KISS1R: variants seen among roughly 807,000 people sequenced by gnomAD.
KISS1R encodes kiSS-1 receptor.
KISS1R carries 19 observed loss-of-function variants against 22.0 expected under a neutral mutation model. The ratio of observed to expected loss-of-function variants is 0.86; its 90% CI spans 0.60 to 1.26. The LOEUF is 1.26. Ranked by LOEUF, KISS1R falls within the 50% of genes most tolerant of loss-of-function variation. The pLI is 0.00. For missense variants in KISS1R, 653 were observed against 581.9 expected (o/e 1.12, Z -1.26); for synonymous variants, 302 against 283.9 (o/e 1.06, Z -0.64).
chr19:919,777 G>C, intron 3 of KISS1R, 97 bp from the exon 4 acceptor site: 1 of 1,490,564 alleles, frequency 6.7e-7, no homozygotes, highest in South Asian at 1.2e-5. Flanking sequence ...CGGGGCGCCC[G>C]GGCCTTTGCA....
Position 920,412 on chromosome 19 carries a change from G to T in KISS1R, c.861G>T (p.Ala287=). The part of the protein sequence containing the change: ...GPIQLFLVLQ[A]LGPAGSWHPR... ...TCCAGCTGTTCCTGGTGCTGCAGGC[G>T]CTGGGCCCCGCGGGCTCCTGGCACC... Residue 287 remains alanine, a synonymous_variant, in exon 5 of 5, where the codon GCG becomes GCT. Coordinates refer to ENST00000234371, the MANE Select transcript of KISS1R (RefSeq NM_032551.5). 6.2e-7 allele frequency: 1 copy of T among 1,605,616 alleles called. No homozygotes were observed. The highest frequency in any genetic ancestry group is 8.5e-7 in the Non-Finnish European group (1 of 1,178,154).
chr19:919,095 C>A (rs1309928286), intron 2 of KISS1R, among the ~76,000 whole-genome samples: 1 of 60,374 alleles, frequency 1.7e-5, no homozygotes, highest in Middle Eastern at 0.014. Flanking sequence ...GCCCAGCTTG[C>A]GGGAAGGGGC....
At chr19:919,810 C>T in intron 3 of KISS1R, 64 bp from the exon 4 acceptor site, 1 of 1,511,256 alleles carries the variant, frequency 6.6e-7, no homozygotes, top group Non-Finnish European at 8.9e-7. Flanking sequence ...GAACGCCTCC[C>T]GGGGAGGCAC....
At chr19:919,717 G>A (rs1211048430) in intron 3 of KISS1R, 92 bp downstream of exon 3, 23 of 1,525,062 alleles carry the variant, frequency 1.5e-5, no homozygotes, top group Non-Finnish European at 2.0e-5. Context: ...TCCAGCATCT[G>A]GAAAATGGGC....
chr19:919,567 C>A lies in KISS1R; in HGVS notation c.447C>A (p.Arg149=). The A allele has an allele frequency of 6.4e-7, 1 of 1,555,782 alleles. No individual in the cohort carries two copies. The highest frequency in any genetic ancestry group is 2.4e-5 in the East Asian group (1 of 42,082). ...GGTACGTGACGGTGTTCCCGTTGCG[C>A]GCCCTGCACCGCCGCACGCCCCGCC... is the stretch of plus-strand genomic sequence containing the variant. ...DRWYVTVFPL[R]ALHRRTPRLA... is the part of the protein sequence containing the mutation. The change falls in exon 3 of 5, where the codon CGC becomes CGA. Residue 149 remains arginine, a synonymous_variant. Coordinates refer to ENST00000234371, the MANE Select transcript of KISS1R (RefSeq NM_032551.5).
In KISS1R at chr19:920,656, C is replaced by T. The variant is rs910960357; in HGVS notation, c.1105C>T (p.His369Tyr). 7.6e-7 allele frequency: 1 copy of T among 1,311,352 alleles called. No individual in the cohort carries two copies. The highest frequency in any genetic ancestry group is 3.7e-5 in the Admixed American group (1 of 27,294). The allele number at this position is 1,311,352 out of a possible 1,614,324, so 81.2% of individuals were successfully genotyped here. ...PHAELLRLGS[H>Y]PAPARAQKPG... is the part of the protein sequence containing the mutation. Reference sequence around the variant, plus strand: ...CGCGGAGCTGCTCCGCCTGGGGTCCCACCCGGCCCCCGCCAGGGCGCAGAA... The same window carrying T: ...CGCGGAGCTGCTCCGCCTGGGGTCCTACCCGGCCCCCGCCAGGGCGCAGAA... The change falls in exon 5 of 5, where the codon CAC (histidine) becomes TAC (tyrosine). Residue 369 changes from histidine (H) to tyrosine (Y), a missense_variant. Physicochemically the swap from His to Tyr is moderately conservative, Grantham distance 83 (BLOSUM62 2). Transcript: ENST00000234371.
rs121908499 is a variant in KISS1R, at chr19:920,708, G to C, written c.1157G>C (p.Arg386Pro). The C allele has an allele frequency of 1.6e-4, 205 of 1,306,098 alleles. No homozygotes were observed. In the African/African-American group the frequency reaches 2.9e-3, roughly 19 times the overall value. The allele number at this position is 1,306,098 out of a possible 1,614,324, so 80.9% of individuals were successfully genotyped here. Reference protein sequence around the residue: ...QKPGSSGLAARGLCVLGEDNA... With the variant: ...QKPGSSGLAAPGLCVLGEDNA... ...CCAGGGAGCAGTGGGCTGGCCGCGCGCGGGCTGTGCGTCCTGGGGGAGGAC... is the reference window on the plus strand; with the variant it reads ...CCAGGGAGCAGTGGGCTGGCCGCGCCCGGGCTGTGCGTCCTGGGGGAGGAC... The change falls in exon 5 of 5, where the codon CGC becomes CCC. Residue 386 changes from arginine (R) to proline (P), a missense_variant. By Grantham distance (103) the Arg-to-Pro change is moderately radical. Transcript: ENST00000234371.
In KISS1R at chr19:920,805, G is replaced by T; in HGVS notation, c.*57G>T. 1 of 1,242,086 alleles carries T rather than the reference G, an allele frequency of 8.1e-7. No individual in the cohort carries two copies. The highest frequency in any genetic ancestry group is 1.0e-6 in the Non-Finnish European group (1 of 993,752). 76.9% of individuals were successfully genotyped at this position (1,242,086 alleles called of 1,614,324 possible). ...CGGGAGCGGGGACTGCTGGAACAGC[G>T]GCTATTCTTCTGTTATTAGTATTTT... On this transcript the variant is annotated 3_prime_UTR_variant, in exon 5 of 5. Transcript: ENST00000234371.
Position 918,528 on chromosome 19 carries a change from C to A in KISS1R, c.245-16C>A, listed in dbSNP as rs1163385598. The stretch of plus-strand genomic sequence containing the variant: ...CAGTGGCGCCCACGCCCAGCGCCCG[C>A]GCATCCCCACCGCAGCCAACCTGGC... On this transcript the variant is annotated splice_polypyrimidine_tract_variant and intron_variant, in intron 1 of 4. Coordinates refer to ENST00000234371, the MANE Select transcript of KISS1R (RefSeq NM_032551.5). 6.5e-7 allele frequency: 1 copy of A among 1,544,712 alleles called. No homozygotes were observed. The highest frequency in any genetic ancestry group is 2.0e-5 in the Admixed American group (1 of 50,970).
chr19:918,553 C>A lies in KISS1R; in HGVS notation c.254C>A (p.Ala85Glu), dbSNP rs1318987335. The change falls in exon 2 of 5, where the codon GCG (alanine) becomes GAG (glutamate). Residue 85 changes from alanine (A) to glutamate (E), a missense_variant. Transcript: ENST00000234371. ...CGCATCCCCACCGCAGCCAACCTGG[C>A]GGCCACGGACGTGACCTTCCTCCTG... The part of the protein sequence containing the change: ...TVTNFYIANL[A>E]ATDVTFLLCC... 6.5e-7 allele frequency: 1 copy of A among 1,549,872 alleles called. No homozygotes were observed. Among genetic ancestry groups the A allele is most frequent in the Non-Finnish European group, 8.7e-7 (1 of 1,147,148 alleles).
intron 3 of KISS1R, 109 bp downstream of exon 3, chr19:919,734 G>A: frequency 6.6e-7 from 1 of 1,512,086 alleles, no homozygotes; most frequent in Non-Finnish European, 8.9e-7. Flanking sequence ...GGGCGCAATA[G>A]CTCTGCCTGC....
intron 2 of KISS1R, among the ~76,000 whole-genome samples, 195 bp from the exon 3 acceptor site, chr19:919,295 T>TTCCCCAA (rs2037091358): frequency 6.6e-6 from 1 of 152,014 alleles, no homozygotes; most frequent in Non-Finnish European, 1.5e-5. Flanking sequence ...GCTCCCTCAC[T>TTCCCCAA]TCCCCAATCC....
At position 917,458 on chromosome 19, in the gene KISS1R, G is replaced by A; in HGVS notation, c.-45G>A. The stretch of plus-strand genomic sequence containing the variant: ...GGAGGGGTCCCCGGGGCGGTGCCAG[G>A]GCGCAATCCTGGAGGGCGGCCGGGA... On this transcript the variant is annotated 5_prime_UTR_variant, in exon 1 of 5. Coordinates refer to ENST00000234371, the MANE Select transcript of KISS1R (RefSeq NM_032551.5). The A allele has an allele frequency of 2.1e-6, 3 of 1,401,482 alleles. No individual in the cohort carries two copies. The highest frequency in any genetic ancestry group is 2.8e-6 in the Non-Finnish European group (3 of 1,084,910). The allele number at this position is 1,401,482 out of a possible 1,614,324, so 86.8% of individuals were successfully genotyped here. A position where few individuals can be genotyped will look rare whatever the true frequency, so the allele number is the denominator to read the frequency against.
Position 920,414 on chromosome 19 carries a change from T to C in KISS1R, c.863T>C (p.Leu288Pro). Residue 288 changes from leucine to proline, a missense_variant, in exon 5 of 5, where the codon CTG becomes CCG. By Grantham distance (98) the Leu-to-Pro change is moderately conservative (BLOSUM62 -3). Transcript: ENST00000234371. Reference sequence around the variant, plus strand: ...CAGCTGTTCCTGGTGCTGCAGGCGCTGGGCCCCGCGGGCTCCTGGCACCCA... The same window carrying C: ...CAGCTGTTCCTGGTGCTGCAGGCGCCGGGCCCCGCGGGCTCCTGGCACCCA... ...PIQLFLVLQALGPAGSWHPRS... is the reference protein window; with the variant it reads ...PIQLFLVLQAPGPAGSWHPRS... 1 of 1,606,636 alleles carries C rather than the reference T, an allele frequency of 6.2e-7. No homozygotes were observed. Among genetic ancestry groups the C allele is most frequent in the Non-Finnish European group, 8.5e-7 (1 of 1,178,364 alleles).
rs944145153 is a variant in KISS1R, at chr19:918,568, C to T, written c.269C>T (p.Thr90Ile). 4 of 1,551,120 alleles carry T rather than the reference C, an allele frequency of 2.6e-6. No individual in the cohort carries two copies. Among genetic ancestry groups the T allele is most frequent in the South Asian group, 1.2e-5 (1 of 84,150 alleles). The change falls in exon 2 of 5, where the codon ACC (threonine) becomes ATC (isoleucine). Residue 90 changes from threonine to isoleucine, a missense_variant. Transcript: ENST00000234371. Reference protein sequence around the residue: ...YIANLAATDVTFLLCCVPFTA... With the variant: ...YIANLAATDVIFLLCCVPFTA... ...GCCAACCTGGCGGCCACGGACGTGA[C>T]CTTCCTCCTGTGCTGCGTCCCCTTC...
Position 917,420 on chromosome 19 carries a change from C to A in KISS1R, c.-83C>A, listed in dbSNP as rs2037064437. 2 of 1,357,408 alleles carry A rather than the reference C, an allele frequency of 1.5e-6. No homozygotes were observed. Among genetic ancestry groups the A allele is most frequent in the Non-Finnish European group, 1.9e-6 (2 of 1,057,684 alleles). The allele number at this position is 1,357,408 out of a possible 1,614,324, so 84.1% of individuals were successfully genotyped here. ...TCCTGAGTTCCACAGGCGCAGCCCCCGGGCGGTCGGGCGGAGGGGTCCCCG... is the reference window on the plus strand; with the variant it reads ...TCCTGAGTTCCACAGGCGCAGCCCCAGGGCGGTCGGGCGGAGGGGTCCCCG... On this transcript the variant is annotated 5_prime_UTR_variant, in exon 1 of 5. Coordinates refer to ENST00000234371, the MANE Select transcript of KISS1R (RefSeq NM_032551.5).
chr19:917,496 C>A lies in KISS1R; in HGVS notation c.-7C>A. ...AGGGCGGCCGGGAGGAGGAGGTGCG[C>A]GCGGCCATGCACACCGTGGCTACGT... is the stretch of plus-strand genomic sequence containing the variant. On this transcript the variant is annotated 5_prime_UTR_variant, in exon 1 of 5. Transcript: ENST00000234371. 6.9e-7 allele frequency: 1 copy of A among 1,456,122 alleles called. No homozygotes were observed. Among genetic ancestry groups the A allele is most frequent in the Non-Finnish European group, 9.0e-7 (1 of 1,109,134 alleles). 90.2% of individuals were successfully genotyped at this position (1,456,122 alleles called of 1,614,324 possible).
chr19:919,566 G>C lies in KISS1R; in HGVS notation c.446G>C (p.Arg149Pro), dbSNP rs1599370498. 1 of 1,556,926 alleles carries C rather than the reference G, an allele frequency of 6.4e-7. No homozygotes were observed. The highest frequency in any genetic ancestry group is 2.4e-5 in the East Asian group (1 of 42,158). ...TGGTACGTGACGGTGTTCCCGTTGC[G>C]CGCCCTGCACCGCCGCACGCCCCGC... The part of the protein sequence containing the change: ...DRWYVTVFPL[R>P]ALHRRTPRLA... The change falls in exon 3 of 5, where the codon CGC becomes CCC. Residue 149 changes from arginine to proline, a missense_variant. Transcript: ENST00000234371.
Position 920,891 on chromosome 19 carries a change from T to C in KISS1R, c.*143T>C. 1.0e-6 allele frequency: 1 copy of C among 997,726 alleles called. No individual in the cohort carries two copies. Among genetic ancestry groups the C allele is most frequent in the East Asian group, 3.3e-5 (1 of 29,972 alleles). 61.8% of individuals were successfully genotyped at this position (997,726 alleles called of 1,614,324 possible). A position where few individuals can be genotyped will look rare whatever the true frequency, so the allele number is the denominator to read the frequency against. Reference sequence around the variant, plus strand: ...GTCTCTTGTGACGTTCGGTGCAGTTTCGTTGTGAAGTTTGCTATTGATATT... The same window carrying C: ...GTCTCTTGTGACGTTCGGTGCAGTTCCGTTGTGAAGTTTGCTATTGATATT... On this transcript the variant is annotated 3_prime_UTR_variant, in exon 5 of 5. Transcript: ENST00000234371.
Sources: gnomAD v4.1 joint callset for allele counts (sites outside exome capture counted in the v4.1 genomes callset) on GRCh38, gnomAD v4.1.1 for gene constraint, MANE v1.5 for transcripts, NCBI Gene and HGNC (gene_info 2026-07-23, HGNC 2026-07-21) for gene names.